Variants in STOML1 observed in about 807,000 individuals in gnomAD.
The protein encoded by STOML1 is stomatin-like protein 1.
In STOML1, 27 loss-of-function variants were observed where a neutral mutation model predicts 35.7. The ratio of observed to expected loss-of-function variants is 0.76; its 90% confidence interval spans 0.56 to 1.04. STOML1 has a LOEUF of 1.04. Among genes scored for constraint, STOML1 ranks in the 50% least tolerant of loss-of-function variants. STOML1 has a pLI of 0.00. For missense variants in STOML1, 451 were observed against 527.1 expected, an observed-to-expected ratio of 0.86 and a Z score of 1.41; for synonymous variants, 219 against 227.9, an observed-to-expected ratio of 0.96 and a Z score of 0.35.
intron 2 of STOML1, 128 bp from the exon 3 acceptor site, chr15:73,989,385 TC>T: frequency 1.7e-6 from 2 of 1,146,378 alleles, no homozygotes; most frequent in Non-Finnish European, 1.2e-6. Flanking sequence ...TAGCACTGTT[TC>T]CAGATGAGAA....
chr15:73,992,310 T>A (rs1471880915), upstream of STOML1: 32 of 1,410,362 alleles, frequency 2.3e-5, no homozygotes, highest in Non-Finnish European at 2.8e-5. Context: ...TCCTGGCTGC[T>A]GCTTCCGGCT....
chr15:73,985,609 G>A, intron 4 of STOML1, 96 bp from the exon 5 acceptor site: 1 of 1,377,468 alleles, frequency 7.3e-7, no homozygotes, highest in Non-Finnish European at 9.8e-7. Context: ...GGACATGGAG[G>A]CACCACACCG....
At position 73,985,522 on chromosome 15, in the gene STOML1, C is replaced by G. The variant is rs1159484734; in HGVS notation, c.595-9G>C. 2 of 1,538,200 alleles carry G rather than the reference C, an allele frequency of 1.3e-6. No homozygotes were observed. Among genetic ancestry groups the G allele is most frequent in the African/African-American group, 2.8e-5 (2 of 71,968 alleles). Reference sequence around the variant, plus strand: ...ACATCGTTGATCTCCAGCTGGAGGACAGTGTGAGGAGAAATGTAATTAATT... The same window carrying G: ...ACATCGTTGATCTCCAGCTGGAGGAGAGTGTGAGGAGAAATGTAATTAATT... On this transcript the variant is annotated splice_polypyrimidine_tract_variant and intron_variant, in intron 4 of 6. Transcript: ENST00000541638.
chr15:73,993,454 C>T (rs941581118), upstream of STOML1, among the ~76,000 whole-genome samples: 1 of 152,222 alleles, frequency 6.6e-6, no homozygotes, highest in Non-Finnish European at 1.5e-5. Context: ...CTTCCAGGTC[C>T]CTTGTGCAGA....
In STOML1 at chr15:73,982,259, C is replaced by A. The variant is rs895037492; in HGVS notation, c.*1678G>T. The A allele has an allele frequency of 6.6e-5, 10 of 152,638 alleles. No individual in the cohort carries two copies. Among genetic ancestry groups the A allele is most frequent in the African/African-American group, 2.4e-4 (10 of 41,584 alleles). The allele number at this position is 152,638 out of a possible 1,614,324, so 9.5% of individuals were successfully genotyped here. A position where few individuals can be genotyped will look rare whatever the true frequency, so the allele number is the denominator to read the frequency against. ...GAGAGCCAGGCAAGGGCACAGAGGA[C>A]AAGTCTCACTGGGCCTCAAAGGGTG... On this transcript the variant is annotated 3_prime_UTR_variant, in exon 7 of 7. Transcript: ENST00000541638.
At chr15:73,994,414 C>G (rs1397422210), upstream of STOML1, 1 of 246,592 alleles carries the variant, frequency 4.1e-6, no homozygotes, top group East Asian at 7.7e-5. Context: ...AAAGCAGGGG[C>G]TGCGTGTGGC....
rs1260332891 is a variant in STOML1, at chr15:73,988,819, T to TGA, written c.391-19_391-18dup. 2 of 1,604,752 alleles carry TGA rather than the reference T, an allele frequency of 1.2e-6. No homozygotes were observed. Among genetic ancestry groups the TGA allele is most frequent in the African/African-American group, 1.3e-5 (1 of 74,838 alleles). ...AGAGGCCAGCTGTTGGGGGAGGCCA[T>TGA]GAGAGAGAGACACTCAAGGGGCTGG... On this transcript the variant is annotated splice_polypyrimidine_tract_variant and intron_variant, in intron 3 of 6. Coordinates refer to ENST00000541638, the MANE Select transcript of STOML1 (RefSeq NM_004809.5). The surrounding 1 kb of genome is among the most constrained non-coding windows in gnomAD (Gnocchi z 4.8).
chr15:73,992,910 C>T (rs1214922681), upstream of STOML1, among the ~76,000 whole-genome samples: 1 of 152,200 alleles, frequency 6.6e-6, no homozygotes, highest in Non-Finnish European at 1.5e-5. Context: ...CATATCTGGA[C>T]TTTGGGTTTC....
intron 2 of STOML1, among the ~76,000 whole-genome samples, 188 bp from the exon 3 acceptor site, chr15:73,989,445 T>A (rs2069198478): frequency 6.6e-6 from 1 of 152,182 alleles, no homozygotes; most frequent in Non-Finnish European, 1.5e-5. Context: ...TGCATAGCCC[T>A]AAGTGAAATA....
chr15:73,992,443 G>C (rs914487251), upstream of STOML1: 42 of 412,878 alleles, frequency 1.0e-4, no homozygotes, highest in Non-Finnish European at 1.3e-4. Flanking sequence ...GGGCTACTGG[G>C]TGTGATCGGC....
chr15:73,986,678 T>C (rs1357694468), intron 4 of STOML1: 1 of 152,700 alleles, frequency 6.5e-6, no homozygotes, highest in Non-Finnish European at 1.5e-5. Flanking sequence ...CCAGGTGATG[T>C]AAGGGAAGGG....
chr15:73,980,119 G>C lies in STOML1; in HGVS notation c.*3818C>G, dbSNP rs1442581103. 1 of 152,020 alleles carries C rather than the reference G, an allele frequency of 6.6e-6. No individual in the cohort carries two copies. The highest frequency in any genetic ancestry group is 1.5e-5 in the Non-Finnish European group (1 of 68,012). The allele number at this position is 152,020 out of a possible 1,614,324, so 9.4% of individuals were successfully genotyped here. ...CTGAGATACAAATTTTCACTTTCCA[G>C]AATGTCAAAAGACCCAAAAGTTTAA... is the stretch of plus-strand genomic sequence containing the variant. On this transcript the variant is annotated 3_prime_UTR_variant, in exon 7 of 7. Coordinates refer to ENST00000541638, the MANE Select transcript of STOML1 (RefSeq NM_004809.5).
chr15:73,985,520 G>T lies in STOML1; in HGVS notation c.595-7C>A. On this transcript the variant is annotated splice_region_variant and splice_polypyrimidine_tract_variant and intron_variant, in intron 4 of 6. Coordinates refer to ENST00000541638, the MANE Select transcript of STOML1 (RefSeq NM_004809.5). ...TCACATCGTTGATCTCCAGCTGGAG[G>T]ACAGTGTGAGGAGAAATGTAATTAA... is the stretch of plus-strand genomic sequence containing the variant. The T allele has an allele frequency of 2.6e-6, 4 of 1,539,134 alleles. No individual in the cohort carries two copies. The highest frequency in any genetic ancestry group is 3.5e-6 in the Non-Finnish European group (4 of 1,142,742).
rs2069274188 is a variant in STOML1 at position 73,991,502 on chromosome 15, G to A, written c.133+589C>T. 6.7e-6 allele frequency: 3 copies of A among 445,326 alleles called. No individual in the cohort carries two copies. In the Admixed American group the frequency reaches 7.2e-5, roughly 11 times the overall value. The allele number at this position is 445,326 out of a possible 1,614,324, so 27.6% of individuals were successfully genotyped here. On this transcript the variant is annotated intron_variant, in intron 1 of 6. Transcript: ENST00000541638. Reference sequence around the variant, plus strand: ...GCTTTCAGGACAGGAAGGCCAGGGAGGGATCAAATCCAAGGTTAGGCGGTT... The same window carrying A: ...GCTTTCAGGACAGGAAGGCCAGGGAAGGATCAAATCCAAGGTTAGGCGGTT...
At position 73,979,989 on chromosome 15, in the gene STOML1, A is replaced by C. The variant is rs1339296084; in HGVS notation, c.*3948T>G. On this transcript the variant is annotated 3_prime_UTR_variant, in exon 7 of 7. Coordinates refer to ENST00000541638, the MANE Select transcript of STOML1 (RefSeq NM_004809.5). ...GGAGGTTGAGGCTGCAGTGAGCCAC[A>C]ATCACTGCACTGCACTCCAGCCTGG... 6.6e-6 allele frequency: 1 copy of C among 151,898 alleles called. No individual in the cohort carries two copies. The highest frequency in any genetic ancestry group is 1.9e-4 in the East Asian group (1 of 5,188). The allele number at this position is 151,898 out of a possible 1,614,324, so 9.4% of individuals were successfully genotyped here. A position where few individuals can be genotyped will look rare whatever the true frequency, so the allele number is the denominator to read the frequency against.
chr15:73,990,647 C>G (rs2069245065), intron 1 of STOML1, among the ~76,000 whole-genome samples, 190 bp from the exon 2 acceptor site: 1 of 152,230 alleles, frequency 6.6e-6, no homozygotes, highest in South Asian at 2.1e-4. Context: ...GTTCCCTCCT[C>G]CCATACATCA....
In STOML1 at chr15:73,985,467, C is replaced by A. The variant is rs1221349536; in HGVS notation, c.641G>T (p.Arg214Leu). ...CACGGCCTCCACTGCCAGCTCCACGCGGTCTACCTCCAGCCCCCAGGCCCT... is the reference window on the plus strand; with the variant it reads ...CACGGCCTCCACTGCCAGCTCCACGAGGTCTACCTCCAGCCCCCAGGCCCT... ...VTRAWGLEVD[R>L]VELAVEAVLQ... Residue 214 changes from arginine to leucine, a missense_variant, in exon 5 of 7, where the codon CGC becomes CTC. Transcript: ENST00000541638. 1 of 1,541,706 alleles carries A rather than the reference C, an allele frequency of 6.5e-7. No individual in the cohort carries two copies.
rs117059820 is a variant in STOML1, at chr15:73,981,085, G to T, written c.*2852C>A. On this transcript the variant is annotated 3_prime_UTR_variant, in exon 7 of 7. Coordinates refer to ENST00000541638, the MANE Select transcript of STOML1 (RefSeq NM_004809.5). Reference sequence around the variant, plus strand: ...ATGCTTAAAAATAAGGCCAGGTGCGGTGGCTCACACCTATAATCCCAGCAC... The same window carrying T: ...ATGCTTAAAAATAAGGCCAGGTGCGTTGGCTCACACCTATAATCCCAGCAC... 0.049 allele frequency: 7,417 copies of T among 152,126 alleles called. 246 individuals are homozygous for T. Among genetic ancestry groups the T allele is most frequent in the East Asian group, 0.18 (941 of 5,162 alleles). The allele number at this position is 152,126 out of a possible 1,614,324, so 9.4% of individuals were successfully genotyped here. A position where few individuals can be genotyped will look rare whatever the true frequency, so the allele number is the denominator to read the frequency against.
chr15:73,985,595 G>T, intron 4 of STOML1, 82 bp from the exon 5 acceptor site: 4 of 1,468,662 alleles, frequency 2.7e-6, no homozygotes, highest in Non-Finnish European at 3.6e-6. Context: ...GTGTGGCCGT[G>T]CATGGACATG....
Sources: allele counts gnomAD v4.1 joint callset (sites outside exome capture counted in the v4.1 genomes callset), GRCh38; gene constraint gnomAD v4.1.1; non-coding constraint Gnocchi (gnomAD v3.1); transcripts MANE v1.5; gene names NCBI Gene and HGNC (gene_info 2026-07-23, HGNC 2026-07-21).